The following TDP1 variants were observed in gnomAD, a reference collection of about 807,000 sequenced individuals.
TDP1 encodes tyrosyl-DNA phosphodiesterase 1, also known as tyr-DNA phosphodiesterase 1.
A neutral mutation model predicts 81.5 loss-of-function variants in TDP1; 64 were observed. The ratio of observed to expected loss-of-function variants is 0.79; its 90% confidence interval spans 0.64 to 0.97. The LOEUF is 0.97. Ranked by LOEUF, TDP1 falls within the 50% of genes least tolerant of loss-of-function variation. The pLI is 0.00. For synonymous variants in TDP1, 256 were observed against 264.3 expected (o/e 0.97, Z 0.30); for missense variants, 723 against 743.8 (o/e 0.97, Z 0.33).
intron 8 of TDP1, chr14:89,984,091 C>A: frequency 1.0e-6 from 1 of 984,882 alleles, no homozygotes; most frequent in Non-Finnish European, 1.2e-6. Flanking sequence ...TTGATGCAGA[C>A]AAGGGCAAAT....
At chr14:89,963,075 G>A (rs373446474) in intron 2 of TDP1, 33 bp from the exon 3 acceptor site, 3 of 1,613,984 alleles carry the variant, frequency 1.9e-6, no homozygotes, top group Non-Finnish European at 2.5e-6. Context: ...CTGATGAATG[G>A]GAAATGCTGA....
Position 90,026,369 on chromosome 14 carries a change from G to A in TDP1, c.1645-6737G>A, listed in dbSNP as rs577154196. ...TATCTTGGTACCTGCTGATGTTCTC[G>A]CATCCAGCGAATAAAGCCACGGCCC... On this transcript the variant is annotated intron_variant, in intron 15 of 16. Coordinates refer to ENST00000335725, the MANE Select transcript of TDP1 (RefSeq NM_018319.4). Among the ~76,000 whole-genome samples the A allele has an allele frequency of 2.6e-5, 4 of 152,308 alleles. No homozygotes were observed. The South Asian group carries it at 6.2e-4, about 24-fold the overall frequency.
chr14:89,968,211 G>A (rs1313632412), intron 5 of TDP1, among the ~76,000 whole-genome samples: 1 of 148,342 alleles, frequency 6.7e-6, no homozygotes, highest in Non-Finnish European at 1.5e-5. Context: ...TTAGCTGCAT[G>A]TAAAAGAATA....
At chr14:89,974,775 G>GTTGTGAAGGCAGGATT (rs1894078371) in intron 6 of TDP1, among the ~76,000 whole-genome samples, 1 of 152,194 alleles carries the variant, frequency 6.6e-6, no homozygotes, top group Non-Finnish European at 1.5e-5. Context: ...GTCATACAAA[G>GTTGTGAAGGCAGGATT]TTGTGAAGGC....
intron 6 of TDP1, 190 bp from the exon 7 acceptor site, chr14:89,975,581 GTTTTTTTTTT>G: frequency 3.0e-5 from 8 of 267,862 alleles, no homozygotes; most frequent in Non-Finnish European, 3.5e-5. Context: ...CAAAATTTGT[GTTTTTTTTTT>G]TTTTTTTTTT....
chr14:89,972,335 A>G (rs1893759698), intron 6 of TDP1, among the ~76,000 whole-genome samples: 1 of 151,980 alleles, frequency 6.6e-6, no homozygotes, highest in African/African-American at 2.4e-5. Flanking sequence ...ACCAGATATC[A>G]TGAGAACTCT....
At chr14:89,962,041 A>T (rs79865837) in intron 2 of TDP1, among the ~76,000 whole-genome samples, 3,848 of 152,290 alleles carry the variant, frequency 0.025, 68 homozygotes, top group Non-Finnish European at 0.042. Context: ...TTTGGTAGGT[A>T]ACAGCAAAAG....
At chr14:90,002,105 A>G (rs1897240017) in intron 14 of TDP1, among the ~76,000 whole-genome samples, 1 of 152,212 alleles carries the variant, frequency 6.6e-6, no homozygotes, top group Non-Finnish European at 1.5e-5. Flanking sequence ...AATGGTATAT[A>G]AAGAAGGTAT....
chr14:90,000,222 A>C (rs898144008), intron 14 of TDP1, among the ~76,000 whole-genome samples: 2 of 152,178 alleles, frequency 1.3e-5, no homozygotes, highest in Non-Finnish European at 2.9e-5. Context: ...CTATCTCAGG[A>C]AGGACCCAAC....
chr14:89,965,730 A>G, intron 3 of TDP1: 1 of 981,008 alleles, frequency 1.0e-6, no homozygotes, highest in Non-Finnish European at 1.2e-6. Flanking sequence ...AAGTCTTTCT[A>G]AACTGTCCAC....
At position 89,963,487 on chromosome 14, in the gene TDP1, C is replaced by G; in HGVS notation, c.373C>G (p.Gln125Glu). Residue 125 changes from glutamine to glutamate, a missense_variant, in exon 3 of 17, where the codon CAA becomes GAA. By Grantham distance (29) the Gln-to-Glu change is conservative. Transcript: ENST00000335725. ...CTCTGCTCCCAATGACGGCACTGCC[C>G]AAAGAACTGAAAATCATGGCGCTCC... ...DISAPNDGTA[Q>E]RTENHGAPAC... The G allele has an allele frequency of 6.2e-7, 1 of 1,605,632 alleles. No homozygotes were observed.
chr14:90,023,504 A>T (rs1886324896), intron 15 of TDP1, among the ~76,000 whole-genome samples: 1 of 152,170 alleles, frequency 6.6e-6, no homozygotes, highest in Admixed American at 6.5e-5. Context: ...TTTTCAGAGA[A>T]TTTGAATCTT....
chr14:89,984,953 G>A, intron 9 of TDP1, 179 bp from the exon 10 acceptor site: 4 of 969,784 alleles, frequency 4.1e-6, no homozygotes, highest in Non-Finnish European at 4.9e-6. Context: ...TTTACATCTT[G>A]TAGGCATTCC....
chr14:90,013,576 TTTG>T (rs1884972933), intron 14 of TDP1, among the ~76,000 whole-genome samples: 2 of 152,214 alleles, frequency 1.3e-5, no homozygotes, highest in South Asian at 4.1e-4. Context: ...CATCCTTTCC[TTTG>T]TAAATTATCC....
At chr14:89,980,491 T>C (rs1387643044) in intron 7 of TDP1, 49 bp from the exon 8 acceptor site, 1 of 1,553,142 alleles carries the variant, frequency 6.4e-7, no homozygotes, top group South Asian at 1.1e-5. Context: ...AGGTATTACA[T>C]ATTTTGAAAG....
chr14:89,965,947 G>C, intron 3 of TDP1, 200 bp from the exon 4 acceptor site: 1 of 847,240 alleles, frequency 1.2e-6, no homozygotes, highest in Non-Finnish European at 1.4e-6. Context: ...ATAAAAGAAT[G>C]TATGATAAAT....
At chr14:90,040,325 G>A (rs901104917) in intron 16 of TDP1, among the ~76,000 whole-genome samples, 1 of 152,126 alleles carries the variant, frequency 6.6e-6, no homozygotes, top group East Asian at 1.9e-4. Flanking sequence ...CCCAAACTCT[G>A]ACTACATCAA....
rs529027060 is a variant in TDP1, at chr14:90,021,288, A to C, written c.1644+1870A>C. On this transcript the variant is annotated intron_variant, in intron 15 of 16. Transcript: ENST00000335725. ...TAACCTCTTTTAGTTATAAGATTTC[A>C]GCTTTATCATACAGCTTGTGGGAAA... Among the ~76,000 whole-genome samples the C allele has an allele frequency of 9.8e-5, 15 of 152,352 alleles. 1 individual carries two copies. In the Middle Eastern group the frequency reaches 0.031, roughly 311 times the overall value.
rs371514239 is a variant in TDP1 at position 89,976,606 on chromosome 14, G to A, written c.791+791G>A. On this transcript the variant is annotated intron_variant, in intron 7 of 16. Coordinates refer to ENST00000335725, the MANE Select transcript of TDP1 (RefSeq NM_018319.4). Reference sequence around the variant, plus strand: ...GCCTGGAGTGCAGTGGCACAATCTTGGCTCACTGCAACCTCCATCTCCTGG... The same window carrying A: ...GCCTGGAGTGCAGTGGCACAATCTTAGCTCACTGCAACCTCCATCTCCTGG... 1.6e-3 allele frequency among the ~76,000 whole-genome samples: 215 copies of A among 130,954 alleles called. 1 individual carries two copies. The highest frequency in any genetic ancestry group is 6.0e-3 in the African/African-American group (203 of 33,642). 85.9% of individuals were successfully genotyped at this position (130,954 alleles called of 152,430 possible).
Sources: gnomAD v4.1 joint callset for allele counts (sites outside exome capture counted in the v4.1 genomes callset) on GRCh38, gnomAD v4.1.1 for gene constraint, MANE v1.5 for transcripts, NCBI Gene and HGNC (gene_info 2026-07-23, HGNC 2026-07-21) for gene names.